Variants in SPICE1 observed in about 807,000 individuals in gnomAD.
SPICE1 encodes the protein spindle and centriole associated protein 1.
In SPICE1, 75 loss-of-function variants were observed where a neutral mutation model predicts 102.7. That is an observed-to-expected ratio of 0.73 (90% CI 0.61 to 0.88). The LOEUF (loss-of-function observed/expected upper bound fraction) is 0.88. Ranked by LOEUF, SPICE1 falls within the 40% of genes least tolerant of loss-of-function variation. SPICE1 has a pLI of 0.00. For synonymous variants in SPICE1, 308 were observed against 350.3 expected (o/e 0.88, Z 1.35); for missense variants, 979 against 1,020.1 (o/e 0.96, Z 0.55).
chr3:113,511,158 G>A (rs372755725), intron 1 of SPICE1, among the ~76,000 whole-genome samples: 9 of 152,164 alleles, frequency 5.9e-5, no homozygotes, highest in African/African-American at 1.7e-4. Context: ...TTACACTGTT[G>A]GTGGAAATGC....
At chr3:113,487,834 G>A (rs1449171611) in intron 7 of SPICE1, among the ~76,000 whole-genome samples, 1 of 152,126 alleles carries the variant, frequency 6.6e-6, no homozygotes, top group African/African-American at 2.4e-5. Context: ...ACACATTGAG[G>A]ACTTAACATC....
rs1936126433 is a variant in SPICE1, at chr3:113,468,852, G to A, written c.799C>T (p.Gln267Ter). The change falls in exon 9 of 18, where the codon CAG (glutamine) becomes TAG (stop). Residue 267 changes from glutamine (Q) to a stop codon, truncating the protein, a stop_gained. Coordinates refer to ENST00000295872, the MANE Select transcript of SPICE1 (RefSeq NM_144718.4). LOFTEE classifies it high-confidence loss of function. ...AGAGTCTCAGTAGATTCTTCAGGCT[G>A]AAGCCTGGTTTGGAGTCTCTTGACA... Reference protein sequence around the residue: ...NAVKRLQTRLQPEESTETLDS... With the variant: ...NAVKRLQTRL The A allele has an allele frequency of 6.2e-7, 1 of 1,614,056 alleles. No homozygotes were observed. Among genetic ancestry groups the A allele is most frequent in the African/African-American group, 1.3e-5 (1 of 74,954 alleles).
At chr3:113,496,198 C>T (rs981801098) in intron 4 of SPICE1, among the ~76,000 whole-genome samples, 3 of 151,810 alleles carry the variant, frequency 2.0e-5, no homozygotes, top group African/African-American at 4.8e-5. Flanking sequence ...TTAGTCCCTG[C>T]CCTTGGGAAA....
chr3:113,468,967 C>T (rs1936129427), intron 8 of SPICE1, 68 bp from the exon 9 acceptor site: 5 of 1,568,446 alleles, frequency 3.2e-6, no homozygotes, highest in Non-Finnish European at 4.3e-6. Context: ...TTTCAATTGA[C>T]AGATCCATCA....
intron 7 of SPICE1, among the ~76,000 whole-genome samples, chr3:113,485,233 G>C (rs988591133): frequency 5.4e-5 from 8 of 148,670 alleles, no homozygotes; most frequent in African/African-American, 1.7e-4. Flanking sequence ...AGACAGAACT[G>C]TTCACTCCCC....
In SPICE1 at chr3:113,457,328, C is replaced by A. The variant is rs767242371; in HGVS notation, c.1465G>T (p.Val489Leu). 1.2e-6 allele frequency: 2 copies of A among 1,614,050 alleles called. No individual in the cohort carries two copies. Among genetic ancestry groups the A allele is most frequent in the Non-Finnish European group, 1.7e-6 (2 of 1,180,036 alleles). ...ERPVVNANVS[V>L]PLMFREEVAE... is the part of the protein sequence containing the mutation. ...ACTTCCTCTCTGAACATCAATGGCACTGAGACATTGGCATTTACAACTGGA... is the reference window on the plus strand; with the variant it reads ...ACTTCCTCTCTGAACATCAATGGCAATGAGACATTGGCATTTACAACTGGA... Residue 489 changes from valine to leucine, a missense_variant, in exon 13 of 18, where the codon GTG becomes TTG. Physicochemically the swap from Val to Leu is conservative, Grantham distance 32. Coordinates refer to ENST00000295872, the MANE Select transcript of SPICE1 (RefSeq NM_144718.4).
At position 113,468,928 on chromosome 3, in the gene SPICE1, C is replaced by T. The variant is rs763084686; in HGVS notation, c.752-29G>A. On this transcript the variant is annotated intron_variant, in intron 8 of 17. Coordinates refer to ENST00000295872, the MANE Select transcript of SPICE1 (RefSeq NM_144718.4). ...AAAGGAAGAACATTTCCAAAAGTAT[C>T]TCAAGTGAACAAACTTCTTAAGAAA... 4.4e-6 allele frequency: 7 copies of T among 1,593,566 alleles called. No individual in the cohort carries two copies. In the Admixed American group the frequency reaches 9.1e-5, roughly 21 times the overall value.
chr3:113,474,686 C>A (rs1356820955), intron 7 of SPICE1, among the ~76,000 whole-genome samples: 1 of 152,188 alleles, frequency 6.6e-6, no homozygotes, highest in Non-Finnish European at 1.5e-5. Context: ...TCCTGAATGA[C>A]TACTGGGTAC....
At chr3:113,500,328 T>C (rs1936985016) in intron 3 of SPICE1, among the ~76,000 whole-genome samples, 1 of 152,166 alleles carries the variant, frequency 6.6e-6, no homozygotes, top group Non-Finnish European at 1.5e-5. Flanking sequence ...GTTTTCACCA[T>C]GTAAATAAAA....
chr3:113,499,365 T>A (rs1936963665), intron 4 of SPICE1, 74 bp downstream of exon 4: 2 of 1,485,406 alleles, frequency 1.3e-6, no homozygotes, highest in Non-Finnish European at 1.8e-6. Flanking sequence ...CCAACGTGAA[T>A]CAAATTGAAG....
intron 10 of SPICE1, among the ~76,000 whole-genome samples, chr3:113,467,865 A>C (rs1409179812): frequency 6.6e-6 from 1 of 151,854 alleles, no homozygotes; most frequent in Non-Finnish European, 1.5e-5. Flanking sequence ...TATTAGCACA[A>C]GATATAATTA....
intron 7 of SPICE1, among the ~76,000 whole-genome samples, chr3:113,478,210 C>G (rs1936407331): frequency 6.6e-6 from 1 of 152,060 alleles, no homozygotes; most frequent in African/African-American, 2.4e-5. Flanking sequence ...TAACATCAAA[C>G]ATATCAGTAA....
intron 7 of SPICE1, among the ~76,000 whole-genome samples, chr3:113,473,580 C>T (rs1385727463): frequency 3.9e-5 from 6 of 152,240 alleles, no homozygotes; most frequent in Admixed American, 6.5e-5. Context: ...AGACTAACAG[C>T]GGATCTCTCG....
chr3:113,478,009 A>C (rs1319248394), intron 7 of SPICE1, among the ~76,000 whole-genome samples: 1 of 151,896 alleles, frequency 6.6e-6, no homozygotes, highest in Non-Finnish European at 1.5e-5. Flanking sequence ...CATACCTGAC[A>C]ATGACATGTA....
At chr3:113,445,782 G>A (rs1002278554) in intron 17 of SPICE1, among the ~76,000 whole-genome samples, 3 of 152,034 alleles carry the variant, frequency 2.0e-5, no homozygotes, top group Admixed American at 6.6e-5. Context: ...TGGACAATTC[G>A]GGTATCTATC....
At chr3:113,485,887 A>G (rs1219160793) in intron 7 of SPICE1, among the ~76,000 whole-genome samples, 1 of 152,138 alleles carries the variant, frequency 6.6e-6, no homozygotes, top group African/African-American at 2.4e-5. Flanking sequence ...CAGCAAACCA[A>G]CACAGAAAAC....
intron 7 of SPICE1, among the ~76,000 whole-genome samples, chr3:113,481,880 T>C (rs932306529): frequency 6.6e-6 from 1 of 152,218 alleles, no homozygotes; most frequent in Non-Finnish European, 1.5e-5. Flanking sequence ...TAAACATATG[T>C]GTCCATGTGT....
chr3:113,459,874 T>A, intron 12 of SPICE1: 1 of 968,554 alleles, frequency 1.0e-6, no homozygotes, highest in South Asian at 4.8e-5. Context: ...AGAGCGAAAC[T>A]CCATCTCAAA....
rs556510363 is a variant in SPICE1 at position 113,462,815 on chromosome 3, T to A, written c.1288-2051A>T. On this transcript the variant is annotated intron_variant, in intron 11 of 17. Coordinates refer to ENST00000295872, the MANE Select transcript of SPICE1 (RefSeq NM_144718.4). ...CTAGTTTCAACACAGCCCAGAGTGATCCTCTTAAACCCAAGACAAATCACG... is the reference window on the plus strand; with the variant it reads ...CTAGTTTCAACACAGCCCAGAGTGAACCTCTTAAACCCAAGACAAATCACG... 2.6e-5 allele frequency among the ~76,000 whole-genome samples: 4 copies of A among 152,142 alleles called. No homozygotes were observed. In the East Asian group the frequency reaches 7.7e-4, roughly 29 times the overall value.
Sources: allele counts gnomAD v4.1 joint callset (sites outside exome capture counted in the v4.1 genomes callset), GRCh38; gene constraint gnomAD v4.1.1; transcripts MANE v1.5; gene names NCBI Gene and HGNC (gene_info 2026-07-23, HGNC 2026-07-21).